Variants in GLT1D1 observed in about 807,000 individuals in gnomAD.
GLT1D1 encodes the protein glycosyltransferase 1 domain containing 1, also known as glycosyltransferase 1 domain-containing protein 1.
GLT1D1 carries 21 observed loss-of-function variants against 28.7 expected under a neutral mutation model. That is an observed-to-expected ratio of 0.73 (90% CI 0.52 to 1.05). The LOEUF is 1.05. GLT1D1 is among the 50% of genes least tolerant of loss of function. The pLI is 0.00. For synonymous variants in GLT1D1, 147 were observed against 124.8 expected, an observed-to-expected ratio of 1.18 and a Z score of -1.19; for missense variants, 343 against 330.6, an observed-to-expected ratio of 1.04 and a Z score of -0.29.
At chr12:128,932,716 T>G (rs1374884698) in intron 4 of GLT1D1, among the ~76,000 whole-genome samples, 1 of 152,114 alleles carries the variant, frequency 6.6e-6, no homozygotes, top group Non-Finnish European at 1.5e-5. Flanking sequence ...CAATCGCGGT[T>G]TGCAGCGAGG....
At chr12:128,871,324 G>T (rs1956683466) in intron 1 of GLT1D1, among the ~76,000 whole-genome samples, 1 of 152,156 alleles carries the variant, frequency 6.6e-6, no homozygotes, top group Non-Finnish European at 1.5e-5. Context: ...TCCTGATCCT[G>T]CTGGTCAGTT....
At chr12:128,957,523 C>T (rs753590191) in intron 6 of GLT1D1, 22 bp from the exon 11 acceptor site, 15 of 1,550,424 alleles carry the variant, frequency 9.7e-6, no homozygotes, top group Middle Eastern at 1.7e-4. Context: ...CCTTCCACCC[C>T]CTTTTCTCCT....
rs1397894974 is a variant in GLT1D1, at chr12:128,942,735, G to GTTTTTTTTTTTTTTT, written c.376-2588_376-2587insTTTTTTTTTTTTTTT. Among the ~76,000 whole-genome samples the GTTTTTTTTTTTTTTT allele has an allele frequency of 4.1e-4, 37 of 89,528 alleles. 10 individuals are homozygous for GTTTTTTTTTTTTTTT. Among genetic ancestry groups the GTTTTTTTTTTTTTTT allele is most frequent in the African/African-American group, 1.5e-3 (34 of 23,134 alleles). The allele number at this position is 89,528 out of a possible 152,430, so 58.7% of individuals were successfully genotyped here. A position where few individuals can be genotyped will look rare whatever the true frequency, so the allele number is the denominator to read the frequency against. ...ATCACTTTAGATTCCAATTTTCTTT[G>GTTTTTTTTTTTTTTT]TTTGTTTGTTTTTGTTTTTTGTTTT... On this transcript the variant is annotated intron_variant, in intron 4 of 7. Coordinates refer to ENST00000281703, the MANE Select transcript of GLT1D1 (RefSeq NM_144669.3).
chr12:128,857,315 G>A (rs561917806), intron 1 of GLT1D1, among the ~76,000 whole-genome samples: 42 of 152,306 alleles, frequency 2.8e-4, no homozygotes, highest in African/African-American at 1.0e-3. Context: ...GCAGAAGGTT[G>A]ACTTCAGCTA....
intron 7 of GLT1D1, among the ~76,000 whole-genome samples, chr12:128,967,004 G>T (rs968736895): frequency 6.6e-6 from 1 of 152,102 alleles, no homozygotes; most frequent in Non-Finnish European, 1.5e-5. Flanking sequence ...GTATTTTATT[G>T]CTCTGTTTTA....
At chr12:128,861,752 G>A (rs961615695) in intron 1 of GLT1D1, among the ~76,000 whole-genome samples, 5 of 152,086 alleles carry the variant, frequency 3.3e-5, no homozygotes, top group African/African-American at 4.8e-5. Flanking sequence ...AGGAGAGAAA[G>A]CGAAGGAAGA....
In GLT1D1 at chr12:128,963,681, A is replaced by C. The variant is rs1279598049; in HGVS notation, c.639+6038A>C. On this transcript the variant is annotated intron_variant, in intron 7 of 7. Transcript: ENST00000281703. ...AAAAGGTGTTTTTTTCTCTCTCTAC[A>C]TGAAAATTAACGTGTGCTGGCTCCT... Among the ~76,000 whole-genome samples, 4 of 152,266 alleles carry C rather than the reference A, an allele frequency of 2.6e-5. No individual in the cohort carries two copies. In the East Asian group the frequency reaches 5.8e-4, roughly 22 times the overall value.
chr12:128,856,016 T>G (rs538415176), intron 1 of GLT1D1, among the ~76,000 whole-genome samples: 2 of 152,280 alleles, frequency 1.3e-5, no homozygotes, highest in South Asian at 4.1e-4. Flanking sequence ...CCTCCCAAAG[T>G]GCTAGGATTA....
At chr12:128,854,925 A>G (rs962910042) in intron 1 of GLT1D1, among the ~76,000 whole-genome samples, 2 of 152,146 alleles carry the variant, frequency 1.3e-5, no homozygotes, top group African/African-American at 4.8e-5. Flanking sequence ...ATTTGCTGGA[A>G]AATTTACACT....
intron 4 of GLT1D1, among the ~76,000 whole-genome samples, chr12:128,912,783 C>A (rs376616860): frequency 4.6e-4 from 70 of 152,080 alleles, no homozygotes; most frequent in African/African-American, 1.3e-3. Flanking sequence ...TAGCCTCAGC[C>A]CCCCCAGTAG....
Position 128,918,596 on chromosome 12 carries a change from T to A in GLT1D1, c.375+19309T>A, listed in dbSNP as rs1469404248. Among the ~76,000 whole-genome samples the A allele has an allele frequency of 2.6e-5, 4 of 152,218 alleles. No homozygotes were observed. In the East Asian group the frequency reaches 7.7e-4, roughly 29 times the overall value. ...AGCATTTTATCAGAAATAATTTTCG[T>A]AGTGTATTCATCAATCTCAGCCACA... On this transcript the variant is annotated intron_variant, in intron 4 of 7. Transcript: ENST00000281703.
At chr12:128,929,177 C>T (rs1873602388) in intron 4 of GLT1D1, among the ~76,000 whole-genome samples, 2 of 152,238 alleles carry the variant, frequency 1.3e-5, no homozygotes, top group Non-Finnish European at 2.9e-5. Flanking sequence ...TCCCGCACCT[C>T]AGTGTTGGCT....
intron 6 of GLT1D1, among the ~76,000 whole-genome samples, chr12:128,948,225 G>C (rs147862862): frequency 3.5e-3 from 536 of 152,232 alleles, no homozygotes; most frequent in African/African-American, 0.012. Flanking sequence ...TTTGACTGGG[G>C]TATTTAACCA....
intron 7 of GLT1D1, among the ~76,000 whole-genome samples, chr12:128,957,976 C>T (rs1277254516): frequency 1.3e-5 from 2 of 152,270 alleles, no homozygotes; most frequent in African/African-American, 2.4e-5. Context: ...CATCTGCTGG[C>T]TTTCAAAGGA....
rs539367116 is a variant in GLT1D1 at position 128,944,988 on chromosome 12, T to G, written c.376-338T>G. The G allele has an allele frequency of 3.5e-4, 199 of 574,192 alleles. 1 individual carries two copies. Among genetic ancestry groups the G allele is most frequent in the African/African-American group, 3.3e-3 (175 of 52,454 alleles). 35.6% of individuals were successfully genotyped at this position (574,192 alleles called of 1,614,324 possible). ...CAGGCCCCGGTGTGTGATGTTCCCC[T>G]CCCTGTGTCCATGTGTTCTCATTGT... On this transcript the variant is annotated intron_variant, in intron 4 of 7. Coordinates refer to ENST00000281703, the MANE Select transcript of GLT1D1 (RefSeq NM_144669.3).
chr12:128,903,500 G>C (rs1425255357), intron 4 of GLT1D1, among the ~76,000 whole-genome samples: 2 of 151,606 alleles, frequency 1.3e-5, no homozygotes, highest in African/African-American at 4.9e-5. Context: ...GGGGAGAATT[G>C]ATGGCCTCTG....
intron 6 of GLT1D1, among the ~76,000 whole-genome samples, chr12:128,957,007 G>A (rs767351195): frequency 3.9e-5 from 6 of 152,246 alleles, no homozygotes; most frequent in Non-Finnish European, 8.8e-5. Context: ...CAGCTGCTAG[G>A]TGCTGCCAGG....
chr12:128,939,613 G>T (rs1593161279), intron 4 of GLT1D1, among the ~76,000 whole-genome samples: 1 of 152,082 alleles, frequency 6.6e-6, no homozygotes, highest in East Asian at 1.9e-4. Flanking sequence ...AAGAAAACAG[G>T]TTTAATTGGC....
At chr12:128,861,325 G>A (rs1356766050) in intron 1 of GLT1D1, among the ~76,000 whole-genome samples, 2 of 152,126 alleles carry the variant, frequency 1.3e-5, no homozygotes, top group Admixed American at 1.3e-4. Context: ...GAACCCAAAG[G>A]TATTTCCTCT....
Sources: gnomAD v4.1 joint callset for allele counts (sites outside exome capture counted in the v4.1 genomes callset) on GRCh38, gnomAD v4.1.1 for gene constraint, MANE v1.5 for transcripts, NCBI Gene and HGNC (gene_info 2026-07-23, HGNC 2026-07-21) for gene names.